Variants in SLC23A2 observed in about 807,000 individuals in gnomAD.
The protein encoded by SLC23A2 is solute carrier family 23 member 2.
In SLC23A2, 36 loss-of-function variants were observed where a neutral mutation model predicts 73.3. The observed-to-expected ratio is 0.49, with a 90% confidence interval of 0.38 to 0.65. The LOEUF (loss-of-function observed/expected upper bound fraction) is 0.65. Among genes scored for constraint, SLC23A2 ranks in the 30% least tolerant of loss-of-function variants. The pLI is 0.00. For synonymous variants in SLC23A2, 343 were observed against 327.3 expected (o/e 1.05, Z -0.52); for missense variants, 507 against 841.6 (o/e 0.60, Z 4.92).
Position 4,949,661 on chromosome 20 carries a change from G to A in SLC23A2, c.-154-16945C>T, listed in dbSNP as rs142190114. 9.9e-5 allele frequency among the ~76,000 whole-genome samples: 15 copies of A among 151,850 alleles called. No homozygotes were observed. In the East Asian group the frequency reaches 2.1e-3, roughly 22 times the overall value. Reference sequence around the variant, plus strand: ...GGCACAGTCACACACACACAGGCGCGCACACACACAGAAACAGACATATAT... The same window carrying A: ...GGCACAGTCACACACACACAGGCGCACACACACACAGAAACAGACATATAT... On this transcript the variant is annotated intron_variant, in intron 2 of 16. Transcript: ENST00000338244.
intron 2 of SLC23A2, among the ~76,000 whole-genome samples, chr20:4,956,584 T>C (rs2087291419): frequency 6.6e-6 from 1 of 152,170 alleles, no homozygotes; most frequent in Non-Finnish European, 1.5e-5. Context: ...TATATTTCAT[T>C]AAGAGGTGTC....
chr20:4,932,622 T>A lies in SLC23A2; in HGVS notation c.-60A>T. 1 of 933,728 alleles carries A rather than the reference T, an allele frequency of 1.1e-6. No homozygotes were observed. The highest frequency in any genetic ancestry group is 1.8e-6 in the Non-Finnish European group (1 of 560,118). The allele number at this position is 933,728 out of a possible 1,614,324, so 57.8% of individuals were successfully genotyped here. On this transcript the variant is annotated 5_prime_UTR_variant, in exon 3 of 17. It removes the in-frame stop codon of an upstream open reading frame in the 5' UTR. Transcript: ENST00000338244. ...AGAGCAGCTGGAAGTGAAGGCTTAT[T>A]CAAGCTAGGAGCCCAGGATCAGCCG... is the stretch of plus-strand genomic sequence containing the variant.
At chr20:4,939,428 G>GAAAAGTCCAAATTAT (rs2122958935) in intron 2 of SLC23A2, among the ~76,000 whole-genome samples, 1 of 152,284 alleles carries the variant, frequency 6.6e-6, no homozygotes, top group African/African-American at 2.4e-5. Context: ...GGAAGTATTA[G>GAAAAGTCCAAATTAT]AAAAGTCCAA....
At chr20:4,942,871 C>A (rs982459317) in intron 2 of SLC23A2, among the ~76,000 whole-genome samples, 1 of 152,082 alleles carries the variant, frequency 6.6e-6, no homozygotes, top group Non-Finnish European at 1.5e-5. Flanking sequence ...AGAAACCCTC[C>A]AATGGCTGAA....
At chr20:4,997,456 G>A (rs767080853) in intron 1 of SLC23A2, among the ~76,000 whole-genome samples, 62 of 151,790 alleles carry the variant, frequency 4.1e-4, no homozygotes, top group Non-Finnish European at 6.6e-4. Flanking sequence ...CACATCTTTA[G>A]TTAAAAATGA....
chr20:4,875,133 A>G (rs1236387193), intron 9 of SLC23A2, among the ~76,000 whole-genome samples: 1 of 152,234 alleles, frequency 6.6e-6, no homozygotes, highest in Non-Finnish European at 1.5e-5. Context: ...AACAGGTAAG[A>G]AGGACATGAT....
rs566195314 is a variant in SLC23A2, at chr20:4,855,681, G to C, written c.*1291C>G. The stretch of plus-strand genomic sequence containing the variant: ...ACTTGCAACAGAAGCCCGGCAAGCG[G>C]GACAGACCGGCGGACAGACCGTTCC... On this transcript the variant is annotated 3_prime_UTR_variant, in exon 17 of 17. Transcript: ENST00000338244. 3 of 152,638 alleles carry C rather than the reference G, an allele frequency of 2.0e-5. No individual in the cohort carries two copies. Among genetic ancestry groups the C allele is most frequent in the Non-Finnish European group, 4.4e-5 (3 of 68,062 alleles). The allele number at this position is 152,638 out of a possible 1,614,324, so 9.5% of individuals were successfully genotyped here.
upstream of SLC23A2, among the ~76,000 whole-genome samples, chr20:5,005,542 A>T (rs1196207924): frequency 2.6e-5 from 4 of 152,136 alleles, no homozygotes; most frequent in Non-Finnish European, 5.9e-5. Context: ...GGGCTATTCC[A>T]TCTTCATACA....
chr20:4,869,225 G>A (rs751105774), intron 12 of SLC23A2: 1 of 152,178 alleles, frequency 6.6e-6, no homozygotes, highest in Non-Finnish European at 1.5e-5. Context: ...CTTGAGCCCA[G>A]GAGTTCAAGA....
chr20:4,936,626 A>T (rs1007402496), intron 2 of SLC23A2, among the ~76,000 whole-genome samples: 4 of 151,850 alleles, frequency 2.6e-5, no homozygotes, highest in African/African-American at 9.7e-5. Context: ...GAATAAATTT[A>T]CTCTCCTAGG....
Position 4,910,362 on chromosome 20 carries a change from G to GT in SLC23A2, c.207+2517dup, listed in dbSNP as rs1465787734. On this transcript the variant is annotated intron_variant, in intron 4 of 16. Transcript: ENST00000338244. ...ACTCCACTTCAGCCTGGGTGACAGA[G>GT]TGAGACTCTGTCTCAAGAAAAAAAA... Among the ~76,000 whole-genome samples the GT allele has an allele frequency of 2.7e-5, 4 of 145,758 alleles. 1 individual carries two copies. The highest frequency in any genetic ancestry group is 1.0e-4 in the African/African-American group (4 of 40,028).
At chr20:4,953,073 C>T (rs967853251) in intron 2 of SLC23A2, among the ~76,000 whole-genome samples, 14 of 151,494 alleles carry the variant, frequency 9.2e-5, no homozygotes, top group East Asian at 3.9e-4. Flanking sequence ...TTTGGGAGGC[C>T]GAGGCAGGCG....
intron 1 of SLC23A2, among the ~76,000 whole-genome samples, chr20:4,993,284 G>C (rs1186733947): frequency 7.0e-6 from 1 of 141,890 alleles, no homozygotes; most frequent in Non-Finnish European, 1.5e-5. Context: ...CCCCAGCCTG[G>C]GCGACAAAGC....
In SLC23A2 at chr20:4,997,980, C is replaced by T. The variant is rs6107563; in HGVS notation, c.-282+3426G>A. ...GAGGACTCATCAAGAGGATGGCCAC[C>T]TACAAGCCAGGAAGAAAGCCCTCAC... On this transcript the variant is annotated intron_variant, in intron 1 of 16. Transcript: ENST00000338244. Among the ~76,000 whole-genome samples the T allele has an allele frequency of 3.9e-3, 596 of 152,198 alleles. 4 individuals are homozygous for T. The highest frequency in any genetic ancestry group is 0.013 in the African/African-American group (556 of 41,532).
chr20:4,903,074 C>T (rs75033868), intron 4 of SLC23A2, among the ~76,000 whole-genome samples: 4,463 of 99,768 alleles, frequency 0.045, 185 homozygotes, highest in African/African-American at 0.14. Flanking sequence ...GCTCAGATAA[C>T]GTTAGGTGAA....
chr20:4,933,750 A>C (rs1932814805), intron 2 of SLC23A2, among the ~76,000 whole-genome samples: 1 of 152,190 alleles, frequency 6.6e-6, no homozygotes, highest in Non-Finnish European at 1.5e-5. Flanking sequence ...CAAACAGGTA[A>C]GGGTGGGAAG....
chr20:4,943,376 T>C (rs992350632), intron 2 of SLC23A2, among the ~76,000 whole-genome samples: 2 of 152,018 alleles, frequency 1.3e-5, no homozygotes, highest in Admixed American at 6.6e-5. Flanking sequence ...ATTTAAAATA[T>C]ACACTTCTGG....
At chr20:4,985,247 C>CAAATACAGCATTATTTATA (rs1421078342) in intron 1 of SLC23A2, among the ~76,000 whole-genome samples, 5 of 151,686 alleles carry the variant, frequency 3.3e-5, no homozygotes, top group Non-Finnish European at 7.4e-5. Flanking sequence ...AACTTGTATT[C>CAAATACAGCATTATTTATA]AAATGTTCAT....
At chr20:5,002,197 G>T (rs539857931), upstream of SLC23A2, among the ~76,000 whole-genome samples, 4 of 152,230 alleles carry the variant, frequency 2.6e-5, no homozygotes, top group East Asian at 7.7e-4. Flanking sequence ...CCTGGCCCTC[G>T]GTCTTAGAGC....
Sources: allele counts gnomAD v4.1 joint callset (sites outside exome capture counted in the v4.1 genomes callset), GRCh38; gene constraint gnomAD v4.1.1; transcripts MANE v1.5; gene names NCBI Gene and HGNC (gene_info 2026-07-23, HGNC 2026-07-21).